Variants in REEP5 observed in about 807,000 individuals in gnomAD.
REEP5 encodes the protein receptor expression-enhancing protein 5.
In REEP5, 24 loss-of-function variants were observed where a neutral mutation model predicts 22.4. The ratio of observed to expected loss-of-function variants is 1.07; its 90% CI spans 0.78 to 1.51. The LOEUF is 1.51. REEP5 is among the 40% of genes most tolerant of loss of function. The pLI is 0.00. For missense variants in REEP5, 252 were observed against 233.0 expected (o/e 1.08, Z -0.53); for synonymous variants, 103 against 88.6 (o/e 1.16, Z -0.92).
At chr5:112,909,183 A>G (rs1331615087) in intron 2 of REEP5, among the ~76,000 whole-genome samples, 1 of 148,774 alleles carries the variant, frequency 6.7e-6, no homozygotes, top group Non-Finnish European at 1.5e-5. Context: ...CTTACTAGAT[A>G]TATGACCCTG....
intron 4 of REEP5, among the ~76,000 whole-genome samples, chr5:112,880,000 T>C (rs1383060255): frequency 6.6e-6 from 1 of 152,158 alleles, no homozygotes; most frequent in Non-Finnish European, 1.5e-5. Flanking sequence ...AAATTGTTGT[T>C]ATACTAAATT....
Position 112,877,193 on chromosome 5 carries a change from A to ATATT in REEP5, c.*1589_*1592dup, listed in dbSNP as rs1767923467. ...CAAAATAAATGCTCTGATCCATATT[A>ATATT]TATTAGAGTGATACTGTCACTTAGT... is the stretch of plus-strand genomic sequence containing the variant. On this transcript the variant is annotated 3_prime_UTR_variant, in exon 5 of 5. Transcript: ENST00000379638. 6.6e-6 allele frequency: 1 copy of ATATT among 152,200 alleles called. No homozygotes were observed. The highest frequency in any genetic ancestry group is 2.4e-5 in the African/African-American group (1 of 41,458). The allele number at this position is 152,200 out of a possible 1,614,324, so 9.4% of individuals were successfully genotyped here.
rs771543724 is a variant in REEP5, at chr5:112,892,226, A to C, written c.352-5043T>G. The C allele has an allele frequency of 8.1e-6, 13 of 1,614,184 alleles. No homozygotes were observed. In the Admixed American group the frequency reaches 2.2e-4, roughly 27 times the overall value. On this transcript the variant is annotated intron_variant, in intron 3 of 4. Transcript: ENST00000379638. ...TTTGGAGACAGATGTTCACGTAAACATAATTTCCCAACATCTAGTCCTACC... is the reference window on the plus strand; with the variant it reads ...TTTGGAGACAGATGTTCACGTAAACCTAATTTCCCAACATCTAGTCCTACC...
chr5:112,902,260 G>A (rs991813530), intron 3 of REEP5, 120 bp downstream of exon 3: 7 of 1,074,852 alleles, frequency 6.5e-6, no homozygotes, highest in Non-Finnish European at 9.1e-6. Flanking sequence ...TGTTGCCCAG[G>A]CCTGTCTTCT....
Position 112,907,334 on chromosome 5 carries a change from G to C in REEP5, c.213-4816C>G, listed in dbSNP as rs575445066. 2.0e-5 allele frequency among the ~76,000 whole-genome samples: 3 copies of C among 152,304 alleles called. No individual in the cohort carries two copies. The East Asian group carries it at 5.8e-4, about 29-fold the overall frequency. ...CACCCACATACAGCTTCTGTGGACA[G>C]ACACCACAGTCTTACTGCTCTCTGC... is the stretch of plus-strand genomic sequence containing the variant. On this transcript the variant is annotated intron_variant, in intron 2 of 4. Coordinates refer to ENST00000379638, the MANE Select transcript of REEP5 (RefSeq NM_005669.5).
chr5:112,920,944 A>T (rs1468387332), intron 2 of REEP5, among the ~76,000 whole-genome samples: 3 of 152,196 alleles, frequency 2.0e-5, no homozygotes, highest in Non-Finnish European at 4.4e-5. Flanking sequence ...TCACCAGGAT[A>T]ATCTAATGAA....
At chr5:112,900,377 G>A (rs1464298587) in intron 3 of REEP5, among the ~76,000 whole-genome samples, 1 of 151,972 alleles carries the variant, frequency 6.6e-6, no homozygotes, top group Non-Finnish European at 1.5e-5. Flanking sequence ...TGAAACTTTT[G>A]TATTTTGTCT....
intron 3 of REEP5, among the ~76,000 whole-genome samples, chr5:112,901,724 AAGG>A (rs1768852477): frequency 6.6e-6 from 1 of 151,764 alleles, no homozygotes; most frequent in Non-Finnish European, 1.5e-5. Context: ...AAAAAAAAAA[AAGG>A]AGGTCAGATT....
chr5:112,893,515 G>GGCGA, intron 3 of REEP5: 3 of 155,564 alleles, frequency 1.9e-5, no homozygotes, highest in South Asian at 1.9e-4. Context: ...ATGATTTTAA[G>GGCGA]CCAGGCCTCT....
intron 4 of REEP5, 128 bp from the exon 5 acceptor site, chr5:112,878,963 C>A: frequency 7.0e-7 from 1 of 1,434,874 alleles, no homozygotes; most frequent in Non-Finnish European, 9.6e-7. Context: ...CAGGTGCGAT[C>A]ATGTTGGGGT....
At chr5:112,909,464 A>G (rs1433610718) in intron 2 of REEP5, among the ~76,000 whole-genome samples, 2 of 151,924 alleles carry the variant, frequency 1.3e-5, no homozygotes, top group Non-Finnish European at 2.9e-5. Flanking sequence ...AATAAGGCTA[A>G]AAGGAGATTA....
chr5:112,897,266 A>AT (rs1261599769), intron 3 of REEP5: 2 of 151,818 alleles, frequency 1.3e-5, no homozygotes, highest in Non-Finnish European at 2.9e-5. Context: ...AGACCAATAT[A>AT]TTTGCACATT....
intron 3 of REEP5, chr5:112,892,024 C>G: frequency 7.4e-7 from 1 of 1,354,710 alleles, no homozygotes; most frequent in Non-Finnish European, 1.1e-6. Context: ...AGAGGAGGAG[C>G]AGAAACAACA....
chr5:112,908,416 T>C (rs1561657811), intron 2 of REEP5, among the ~76,000 whole-genome samples: 1 of 152,154 alleles, frequency 6.6e-6, no homozygotes, highest in Non-Finnish European at 1.5e-5. Flanking sequence ...CATCAGACTT[T>C]CTATAATGAT....
intron 2 of REEP5, among the ~76,000 whole-genome samples, chr5:112,913,041 T>C (rs154344): frequency 0.56 from 85,499 of 152,040 alleles, 26,667 homozygotes; most frequent in African/African-American, 0.85. Context: ...CAGTGGCTCA[T>C]GTCTGTAATC....
intron 2 of REEP5, among the ~76,000 whole-genome samples, chr5:112,911,760 T>A (rs371745378): frequency 2.6e-5 from 4 of 152,226 alleles, no homozygotes; most frequent in African/African-American, 9.6e-5. Flanking sequence ...TAGGAACATA[T>A]ACACCATTGT....
intron 4 of REEP5, among the ~76,000 whole-genome samples, chr5:112,884,859 C>T (rs864682): frequency 0.39 from 58,745 of 151,062 alleles, 12,269 homozygotes; most frequent in African/African-American, 0.56. Context: ...AATTTTACTG[C>T]CTATCTCTCA....
intron 3 of REEP5, among the ~76,000 whole-genome samples, chr5:112,888,083 CAG>C (rs1561648789): frequency 6.6e-6 from 1 of 152,206 alleles, no homozygotes; most frequent in East Asian, 1.9e-4. Flanking sequence ...TACAAAAAAA[CAG>C]AAGTCACTTA....
rs529400648 is a variant in REEP5, at chr5:112,891,025, G to C, written c.352-3842C>G. 2.3e-4 allele frequency among the ~76,000 whole-genome samples: 35 copies of C among 150,822 alleles called. 2 individuals carry two copies. The highest frequency in any genetic ancestry group is 8.6e-4 in the African/African-American group (35 of 40,578). ...TAACAGGAGAACATGTTAGCTTTCA[G>C]TAGGGGAAAGCAAATCCTAGAACCA... On this transcript the variant is annotated intron_variant, in intron 3 of 4. Coordinates refer to ENST00000379638, the MANE Select transcript of REEP5 (RefSeq NM_005669.5).
Sources: allele counts gnomAD v4.1 joint callset (sites outside exome capture counted in the v4.1 genomes callset), GRCh38; gene constraint gnomAD v4.1.1; transcripts MANE v1.5; gene names NCBI Gene and HGNC (gene_info 2026-07-23, HGNC 2026-07-21).